The following KCNMA1 variants were observed in gnomAD, a reference collection of about 807,000 sequenced individuals.
The protein encoded by KCNMA1 is Calcium-activated potassium channel subunit alpha-1.
In KCNMA1, 29 loss-of-function variants were observed where a neutral mutation model predicts 140.0. The observed-to-expected ratio is 0.21, with a 90% CI of 0.15 to 0.28. The LOEUF (loss-of-function observed/expected upper bound fraction) is 0.28. KCNMA1 is among the 10% of genes least tolerant of loss of function. The pLI is 1.00. For missense variants in KCNMA1, 880 were observed against 1,602.2 expected, an observed-to-expected ratio of 0.55 and a Z score of 7.70; for synonymous variants, 612 against 611.9, an observed-to-expected ratio of 1.00 and a Z score of 0.00.
intron 3 of KCNMA1, among the ~76,000 whole-genome samples, chr10:77,243,066 A>G (rs566731944): frequency 6.6e-6 from 1 of 152,240 alleles, no homozygotes; most frequent in Admixed American, 6.5e-5. Context: ...CTCATCACCA[A>G]CCAGGGTCTC....
intron 1 of KCNMA1, among the ~76,000 whole-genome samples, chr10:77,470,241 T>C (rs2098121188): frequency 6.6e-6 from 1 of 152,108 alleles, no homozygotes; most frequent in African/African-American, 2.4e-5. Flanking sequence ...GCCTGAGACA[T>C]GTACTGTATT....
chr10:77,345,201 A>C (rs1285422887), intron 2 of KCNMA1, among the ~76,000 whole-genome samples: 2 of 152,200 alleles, frequency 1.3e-5, no homozygotes, highest in Non-Finnish European at 2.9e-5. Flanking sequence ...CTTCTTTACC[A>C]GGGTTATTTG....
chr10:77,274,898 C>T (rs965905182), intron 2 of KCNMA1, among the ~76,000 whole-genome samples: 2 of 152,112 alleles, frequency 1.3e-5, no homozygotes, highest in African/African-American at 4.8e-5. Context: ...GGGAGAGAAA[C>T]TGAGAAGGGA....
intron 20 of KCNMA1, among the ~76,000 whole-genome samples, chr10:76,954,213 A>C (rs2067299906): frequency 6.6e-6 from 1 of 151,706 alleles, no homozygotes. Flanking sequence ...CTCCCTTTTT[A>C]AGGCTACCTC....
At chr10:77,444,774 G>A (rs2097489308) in intron 1 of KCNMA1, among the ~76,000 whole-genome samples, 1 of 152,108 alleles carries the variant, frequency 6.6e-6, no homozygotes, top group African/African-American at 2.4e-5. Context: ...GGGAGCAGCT[G>A]GGCAGCCTCT....
At chr10:77,410,640 A>G (rs1338007576) in intron 1 of KCNMA1, among the ~76,000 whole-genome samples, 1 of 152,246 alleles carries the variant, frequency 6.6e-6, no homozygotes, top group Non-Finnish European at 1.5e-5. Context: ...TCAGAGGACA[A>G]GTGAAGTCTT....
intron 1 of KCNMA1, among the ~76,000 whole-genome samples, chr10:77,547,698 G>A (rs1466393755): frequency 6.6e-6 from 1 of 152,192 alleles, no homozygotes; most frequent in African/African-American, 2.4e-5. Flanking sequence ...AGAGGCTAAG[G>A]AGAGGAGTCA....
intron 2 of KCNMA1, among the ~76,000 whole-genome samples, chr10:77,400,318 A>G (rs1207643421): frequency 6.6e-6 from 1 of 152,216 alleles, no homozygotes; most frequent in African/African-American, 2.4e-5. Context: ...CATGGCCCCA[A>G]CAGCCTGGGC....
At chr10:77,610,902 T>C (rs772742347) in intron 1 of KCNMA1, among the ~76,000 whole-genome samples, 2 of 152,214 alleles carry the variant, frequency 1.3e-5, no homozygotes, top group East Asian at 1.9e-4. Flanking sequence ...AAAGCACTTA[T>C]TGAAAAATGC....
intron 1 of KCNMA1, among the ~76,000 whole-genome samples, chr10:77,472,735 C>T (rs993799548): frequency 2.0e-5 from 3 of 152,180 alleles, no homozygotes; most frequent in African/African-American, 7.2e-5. Context: ...CGTGCAGAAG[C>T]AGCTTTTAGT....
chr10:77,042,453 T>C (rs1406825009), intron 14 of KCNMA1, among the ~76,000 whole-genome samples: 1 of 152,246 alleles, frequency 6.6e-6, no homozygotes, highest in Non-Finnish European at 1.5e-5. Context: ...TAGGATACTA[T>C]ATGAGGTATC....
chr10:77,617,540 A>T (rs1212981718), intron 1 of KCNMA1, among the ~76,000 whole-genome samples: 1 of 152,210 alleles, frequency 6.6e-6, no homozygotes, highest in East Asian at 1.9e-4. Context: ...AAGAAGAGGC[A>T]GAGCTGAAGG....
chr10:77,325,605 T>A (rs939264831), intron 2 of KCNMA1, among the ~76,000 whole-genome samples: 1 of 152,324 alleles, frequency 6.6e-6, no homozygotes, highest in African/African-American at 2.4e-5. Flanking sequence ...GCATTTCCCA[T>A]GGATGCCCAC....
In KCNMA1 at chr10:77,238,913, T is replaced by C. The variant is rs867960939; in HGVS notation, c.602+12282A>G. Among the ~76,000 whole-genome samples, 69 of 152,320 alleles carry C rather than the reference T, an allele frequency of 4.5e-4. 1 individual carries two copies. Among genetic ancestry groups the C allele is most frequent in the African/African-American group, 1.6e-3 (67 of 41,574 alleles). On this transcript the variant is annotated intron_variant, in intron 3 of 27. Coordinates refer to ENST00000286628, the MANE Select transcript of KCNMA1 (RefSeq NM_001161352.2). Reference sequence around the variant, plus strand: ...ACAAAAGAACCACCACCAGTCTACATGGTAATATACATACATTGCCTTCTA... The same window carrying C: ...ACAAAAGAACCACCACCAGTCTACACGGTAATATACATACATTGCCTTCTA...
intron 1 of KCNMA1, among the ~76,000 whole-genome samples, chr10:77,426,471 C>T (rs61856117): frequency 1.1e-4 from 16 of 152,248 alleles, no homozygotes; most frequent in Middle Eastern, 6.8e-3. Flanking sequence ...GTTAGGTGAA[C>T]GACTCGAGGT....
At chr10:77,498,994 GACAA>G (rs2042883101) in intron 1 of KCNMA1, 2 of 152,154 alleles carry the variant, frequency 1.3e-5, no homozygotes, top group South Asian at 4.1e-4. Flanking sequence ...ATATAATGAG[GACAA>G]ACAAAGCACA....
chr10:76,899,664 G>A (rs1011538638), intron 25 of KCNMA1, among the ~76,000 whole-genome samples: 1 of 152,090 alleles, frequency 6.6e-6, no homozygotes, highest in Non-Finnish European at 1.5e-5. Context: ...AAGACAGTTT[G>A]CTGATCCATT....
chr10:77,079,369 A>AGAGTGTGTGTGTGT, intron 13 of KCNMA1, 112 bp downstream of exon 13: 1 of 661,358 alleles, frequency 1.5e-6, no homozygotes, highest in South Asian at 1.6e-5. Flanking sequence ...GGCATGTGAG[A>AGAGTGTGTGTGTGT]GTGTGTGTGT....
intron 2 of KCNMA1, among the ~76,000 whole-genome samples, chr10:77,363,430 C>T: frequency 6.6e-6 from 1 of 152,232 alleles, no homozygotes. Context: ...CCACTCCTGC[C>T]TTATGCCAGC....
Sources: gnomAD v4.1 joint callset for allele counts (sites outside exome capture counted in the v4.1 genomes callset) on GRCh38, gnomAD v4.1.1 for gene constraint, MANE v1.5 for transcripts, NCBI Gene and HGNC (gene_info 2026-07-23, HGNC 2026-07-21) for gene names.